Variants in IFI44L observed in about 807,000 individuals in gnomAD.
IFI44L encodes the protein interferon induced protein 44 like.
A neutral mutation model predicts 39.3 loss-of-function variants in IFI44L; 40 were observed. The observed-to-expected ratio is 1.02, with a 90% CI of 0.79 to 1.33. The LOEUF (loss-of-function observed/expected upper bound fraction) is 1.33, where lower values mean the gene tolerates loss of function less well. Among genes scored for constraint, IFI44L ranks in the 40% most tolerant of loss-of-function variants. IFI44L has a pLI of 0.00. For missense variants in IFI44L, 623 were observed against 549.0 expected, an observed-to-expected ratio of 1.13 and a Z score of -1.35; for synonymous variants, 198 against 182.3, an observed-to-expected ratio of 1.09 and a Z score of -0.69.
intron 4 of IFI44L, among the ~76,000 whole-genome samples, chr1:78,633,625 C>T (rs930161486): frequency 3.9e-5 from 6 of 152,118 alleles, no homozygotes; most frequent in African/African-American, 1.4e-4. Context: ...GGAATAAGTA[C>T]CTACTTCCAG....
At chr1:78,634,812 AGGAGT>A (rs990223894) in intron 4 of IFI44L, among the ~76,000 whole-genome samples, 8 of 151,814 alleles carry the variant, frequency 5.3e-5, no homozygotes, top group Admixed American at 1.3e-4. Context: ...AACTGTGGGG[AGGAGT>A]GGAGTAAAAA....
chr1:78,632,235 A>G (rs1652776185), intron 4 of IFI44L, among the ~76,000 whole-genome samples: 1 of 152,182 alleles, frequency 6.6e-6, no homozygotes, highest in Admixed American at 6.5e-5. Context: ...CCCTACTAAT[A>G]AAGAACAAAA....
intron 4 of IFI44L, 45 bp from the exon 5 acceptor site, chr1:78,635,292 C>T (rs1441172600): frequency 7.2e-7 from 1 of 1,396,820 alleles, no homozygotes; most frequent in African/African-American, 1.4e-5. Flanking sequence ...GTCTTGAATG[C>T]TGGGTGATGA....
At position 78,627,901 on chromosome 1, in the gene IFI44L, A is replaced by G. The variant is rs1190058210; in HGVS notation, c.-10-5A>G. The G allele has an allele frequency of 2.0e-6, 3 of 1,489,930 alleles. No homozygotes were observed. Among genetic ancestry groups the G allele is most frequent in the Non-Finnish European group, 2.7e-6 (3 of 1,111,856 alleles). The allele number at this position is 1,489,930 out of a possible 1,614,324, so 92.3% of individuals were successfully genotyped here. A position where few individuals can be genotyped will look rare whatever the true frequency, so the allele number is the denominator to read the frequency against. On this transcript the variant is annotated splice_region_variant and splice_polypyrimidine_tract_variant and intron_variant, in intron 1 of 8. Transcript: ENST00000370751. ...CTTCTCAACCTATAATTGTTTTTCC[A>G]TTAGATATAGAACAATGGAAGTGAC...
Position 78,644,465 on chromosome 1 carries a change from CT to C in IFI44L, c.*2658del, listed in dbSNP as rs1170860562. 3 of 152,154 alleles carry C rather than the reference CT, an allele frequency of 2.0e-5. No individual in the cohort carries two copies. Among genetic ancestry groups the C allele is most frequent in the African/African-American group, 7.2e-5 (3 of 41,434 alleles). 9.4% of individuals were successfully genotyped at this position (152,154 alleles called of 1,614,324 possible). On this transcript the variant is annotated 3_prime_UTR_variant, in exon 9 of 9. Coordinates refer to ENST00000370751, the MANE Select transcript of IFI44L (RefSeq NM_006820.4). ...CTGGCTCTATATTGCTTTGGAAACA[CT>C]TAAACATCAAATGGAGTTAAATACA...
Position 78,635,360 on chromosome 1 carries a change from T to C in IFI44L, c.747T>C (p.Asp249=), listed in dbSNP as rs763103940. Residue 249 remains aspartate, a synonymous_variant, in exon 5 of 9, where the codon GAT becomes GAC. Transcript: ENST00000370751. ...TERYRIYSVK[D]GKNGKSLPFM... ...AGTATAGGATATATTCTGTTAAAGATGGAAAAAATGGAAAATCTCTGCCAT... is the reference window on the plus strand; with the variant it reads ...AGTATAGGATATATTCTGTTAAAGACGGAAAAAATGGAAAATCTCTGCCAT... The C allele has an allele frequency of 1.2e-6, 2 of 1,608,718 alleles. No homozygotes were observed. Among genetic ancestry groups the C allele is most frequent in the Non-Finnish European group, 1.7e-6 (2 of 1,175,172 alleles).
At chr1:78,639,147 C>G (rs1653060511) in intron 6 of IFI44L, among the ~76,000 whole-genome samples, 2 of 152,000 alleles carry the variant, frequency 1.3e-5, no homozygotes, top group African/African-American at 4.8e-5. Context: ...TCTGACACTT[C>G]CAGAGAGGGA....
In IFI44L at chr1:78,637,081, C is replaced by T; in HGVS notation, c.926C>T (p.Ser309Phe). 6.2e-7 allele frequency: 1 copy of T among 1,611,362 alleles called. No homozygotes were observed. ...CCTGAGCATTCTACTTTTATCACCT[C>T]TCCATCTCTGAAGGACAGGATTCAC... ...ITPEHSTFIT[S>F]PSLKDRIHCV... The change falls in exon 6 of 9, where the codon TCT becomes TTT. Residue 309 changes from serine (S) to phenylalanine (F), a missense_variant. Ser to Phe is a radical substitution (Grantham distance 155, BLOSUM62 -2). Transcript: ENST00000370751.
At chr1:78,627,236 GC>G (rs2100480308) in intron 1 of IFI44L, 1 of 152,006 alleles carries the variant, frequency 6.6e-6, no homozygotes, top group Non-Finnish European at 1.5e-5. Context: ...TGTAACACAT[GC>G]ATTTTTATAG....
At chr1:78,627,780 C>T in intron 1 of IFI44L, 126 bp from the exon 2 acceptor site, 2 of 438,064 alleles carry the variant, frequency 4.6e-6, no homozygotes, top group South Asian at 1.2e-4. Flanking sequence ...TATTTTTTGC[C>T]TTAACCAAAC....
In IFI44L at chr1:78,629,848, C is replaced by T; in HGVS notation, c.656C>T (p.Ser219Phe). ...TCCAGTTTTTTCAATTCAGTCAAGT[C>T]TATTTTTCATGGCCATGTGACTGGC... is the stretch of plus-strand genomic sequence containing the variant. ...GKSSFFNSVK[S>F]IFHGHVTGQA... is the part of the protein sequence containing the mutation. Residue 219 changes from serine to phenylalanine, a missense_variant, in exon 4 of 9, where the codon TCT becomes TTT. Transcript: ENST00000370751. 1 of 1,613,768 alleles carries T rather than the reference C, an allele frequency of 6.2e-7. No individual in the cohort carries two copies. The highest frequency in any genetic ancestry group is 1.1e-5 in the South Asian group (1 of 91,084).
chr1:78,637,111 T>G lies in IFI44L; in HGVS notation c.956T>G (p.Val319Gly). Residue 319 changes from valine (V) to glycine (G), a missense_variant, in exon 6 of 9, where the codon GTG becomes GGG. Coordinates refer to ENST00000370751, the MANE Select transcript of IFI44L (RefSeq NM_006820.4). ...TCTCTGAAGGACAGGATTCACTGTG[T>G]GGCTTATGTCTTAGACATCAACTCT... ...SPSLKDRIHC[V>G]AYVLDINSID... 3 of 1,611,168 alleles carry G rather than the reference T, an allele frequency of 1.9e-6. No individual in the cohort carries two copies. Among genetic ancestry groups the G allele is most frequent in the Non-Finnish European group, 2.5e-6 (3 of 1,178,012 alleles).
At chr1:78,637,968 G>T (rs1339241007) in intron 6 of IFI44L, among the ~76,000 whole-genome samples, 1 of 151,974 alleles carries the variant, frequency 6.6e-6, no homozygotes, top group Non-Finnish European at 1.5e-5. Context: ...TGTAATGCTG[G>T]ATCATAAAGT....
In IFI44L at chr1:78,641,078, A is replaced by T; in HGVS notation, c.1106A>T (p.Asp369Val). Reference sequence around the variant, plus strand: ...GATGATTGCAGTGAGGTTCTTCAAGACAACTTTTTAAACATGAGTAGATCT... The same window carrying T: ...GATGATTGCAGTGAGGTTCTTCAAGTCAACTTTTTAAACATGAGTAGATCT... ...KVDDCSEVLQDNFLNMSRSMT... is the reference protein window; with the variant it reads ...KVDDCSEVLQVNFLNMSRSMT... The change falls in exon 7 of 9, where the codon GAC (aspartate) becomes GTC (valine). Residue 369 changes from aspartate (D) to valine (V), a missense_variant. By Grantham distance (152) the Asp-to-Val change is radical. Coordinates refer to ENST00000370751, the MANE Select transcript of IFI44L (RefSeq NM_006820.4). The T allele has an allele frequency of 6.2e-7, 1 of 1,613,002 alleles. No homozygotes were observed. Among genetic ancestry groups the T allele is most frequent in the Non-Finnish European group, 8.5e-7 (1 of 1,179,222 alleles).
chr1:78,635,320 A>G lies in IFI44L; in HGVS notation c.724-17A>G. The G allele has an allele frequency of 6.5e-7, 1 of 1,540,654 alleles. No homozygotes were observed. Among genetic ancestry groups the G allele is most frequent in the Non-Finnish European group, 8.9e-7 (1 of 1,117,864 alleles). ...GGTGATGAATGAACCTTTACACTTA[A>G]TGTATTTTTTTAACAGTATAGGATA... is the stretch of plus-strand genomic sequence containing the variant. On this transcript the variant is annotated splice_polypyrimidine_tract_variant and intron_variant, in intron 4 of 8. Transcript: ENST00000370751.
rs753372312 is a variant in IFI44L at position 78,629,742 on chromosome 1, G to C, written c.550G>C (p.Asp184His). ...AREHRNRLLA[D>H]IRDYRPYADL... ...CAGGCACAGAAATAGGCTTCTAGCAGACATCAGAGACTATAGGCCCTATGC... is the reference window on the plus strand; with the variant it reads ...CAGGCACAGAAATAGGCTTCTAGCACACATCAGAGACTATAGGCCCTATGC... Residue 184 changes from aspartate (D) to histidine (H), a missense_variant, in exon 4 of 9, where the codon GAC (aspartate) becomes CAC (histidine). Transcript: ENST00000370751. 6.2e-7 allele frequency: 1 copy of C among 1,612,202 alleles called. No individual in the cohort carries two copies. Among genetic ancestry groups the C allele is most frequent in the Admixed American group, 1.7e-5 (1 of 59,684 alleles).
chr1:78,636,192 T>C (rs1432095532), intron 5 of IFI44L, among the ~76,000 whole-genome samples: 1 of 152,120 alleles, frequency 6.6e-6, no homozygotes, highest in Non-Finnish European at 1.5e-5. Flanking sequence ...ATTTATTTAT[T>C]CATTCAAAAA....
rs1646982704 is a variant in IFI44L, at chr1:78,641,440, G to A, written c.1155G>A (p.Met385Ile). The change falls in exon 8 of 9, where the codon ATG becomes ATA. Residue 385 changes from methionine to isoleucine, a missense_variant. Transcript: ENST00000370751. ...TTTAAATATACTTTCCACAGGTCATGAATGTCCATAAAATGCTAGGCATTC... is the reference window on the plus strand; with the variant it reads ...TTTAAATATACTTTCCACAGGTCATAAATGTCCATAAAATGCTAGGCATTC... ...SRSMTSQSRV[M>I]NVHKMLGIPI... 6.2e-7 allele frequency: 1 copy of A among 1,612,996 alleles called. No homozygotes were observed. Among genetic ancestry groups the A allele is most frequent in the Non-Finnish European group, 8.5e-7 (1 of 1,179,200 alleles).
At chr1:78,630,543 C>T (rs1322115160) in intron 4 of IFI44L, among the ~76,000 whole-genome samples, 1 of 152,118 alleles carries the variant, frequency 6.6e-6, no homozygotes, top group African/African-American at 2.4e-5. Context: ...TCAATGTTAT[C>T]ATGCACATGC....
Sources: gnomAD v4.1 joint callset for allele counts (sites outside exome capture counted in the v4.1 genomes callset) on GRCh38, gnomAD v4.1.1 for gene constraint, MANE v1.5 for transcripts, NCBI Gene and HGNC (gene_info 2026-07-23, HGNC 2026-07-21) for gene names.